NBEAL1: variants seen among roughly 807,000 people sequenced by gnomAD.
The protein encoded by NBEAL1 is neurobeachin like 1.
In NBEAL1, 273 loss-of-function variants were observed where a neutral mutation model predicts 351.3. The ratio of observed to expected loss-of-function variants is 0.78; its 90% confidence interval spans 0.70 to 0.86. NBEAL1 has a LOEUF of 0.86. NBEAL1 is among the 40% of genes least tolerant of loss of function. The pLI, the probability that NBEAL1 is intolerant of heterozygous loss-of-function variation, is 0.00. For synonymous variants in NBEAL1, 1,050 were observed against 1,086.4 expected (o/e 0.97, Z 0.66); for missense variants, 2,961 against 3,201.3 (o/e 0.92, Z 1.81).
chr2:203,067,895 T>C (rs950706534), intron 6 of NBEAL1, among the ~76,000 whole-genome samples: 1 of 152,220 alleles, frequency 6.6e-6, no homozygotes, highest in Non-Finnish European at 1.5e-5. Flanking sequence ...CCATCAGAAT[T>C]ACTGGAATTG....
At chr2:203,019,350 AG>A (rs1261939724) in intron 2 of NBEAL1, among the ~76,000 whole-genome samples, 1 of 152,222 alleles carries the variant, frequency 6.6e-6, no homozygotes, top group Non-Finnish European at 1.5e-5. Context: ...AGTTCCTTAA[AG>A]GGAAGGCAGG....
intron 46 of NBEAL1, among the ~76,000 whole-genome samples, chr2:203,191,524 G>A (rs756349843): frequency 2.0e-5 from 3 of 151,930 alleles, no homozygotes; most frequent in African/African-American, 7.3e-5. Flanking sequence ...TATGAATTTA[G>A]TGATGTAGAA....
intron 23 of NBEAL1, 55 bp from the exon 24 acceptor site, chr2:203,127,726 A>G: frequency 8.1e-7 from 1 of 1,232,778 alleles, no homozygotes; most frequent in Non-Finnish European, 1.1e-6. Flanking sequence ...CATCTCAGAA[A>G]AAAGGAAATG....
intron 49 of NBEAL1, among the ~76,000 whole-genome samples, chr2:203,201,070 G>T (rs559906991): frequency 6.6e-6 from 1 of 152,192 alleles, no homozygotes; most frequent in Non-Finnish European, 1.5e-5. Flanking sequence ...CAGCATGCTT[G>T]CTTTGGTTCA....
intron 2 of NBEAL1, among the ~76,000 whole-genome samples, chr2:203,033,000 T>A (rs572358440): frequency 7.3e-5 from 11 of 151,712 alleles, no homozygotes; most frequent in East Asian, 3.9e-4. Flanking sequence ...ATTATTTTTT[T>A]AATTTAATTT....
rs2064156200 is a variant in NBEAL1 at position 203,167,101 on chromosome 2, G to A, written c.5864-126G>A. 6.2e-6 allele frequency: 5 copies of A among 812,676 alleles called. No individual in the cohort carries two copies. In the South Asian group the frequency reaches 6.4e-5, roughly 10 times the overall value. 50.3% of individuals were successfully genotyped at this position (812,676 alleles called of 1,614,324 possible). A position where few individuals can be genotyped will look rare whatever the true frequency, so the allele number is the denominator to read the frequency against. ...AAATATCCAACACATTTAACAAATG[G>A]TTTATATAGTACAGAAATTGAATTC... On this transcript the variant is annotated intron_variant, in intron 37 of 55. Transcript: ENST00000683969.
intron 52 of NBEAL1, 84 bp from the exon 53 acceptor site, chr2:203,209,077 C>A (rs1001914769): frequency 9.9e-6 from 11 of 1,115,284 alleles, no homozygotes; most frequent in Non-Finnish European, 1.4e-5. Flanking sequence ...TCCCACATTT[C>A]TTTATCTGGC....
chr2:203,032,814 A>G (rs1168501977), intron 2 of NBEAL1, among the ~76,000 whole-genome samples: 27 of 138,986 alleles, frequency 1.9e-4, no homozygotes, highest in East Asian at 6.9e-4. Flanking sequence ...ACAGGCACAC[A>G]CCACCACGCC....
intron 38 of NBEAL1, among the ~76,000 whole-genome samples, chr2:203,168,707 A>G (rs751994154): frequency 7.2e-5 from 11 of 152,106 alleles, no homozygotes; most frequent in Non-Finnish European, 1.5e-4. Flanking sequence ...CAGCCTGCCC[A>G]ACATGGTGAA....
intron 18 of NBEAL1, among the ~76,000 whole-genome samples, chr2:203,118,952 A>G (rs1304043261): frequency 7.1e-6 from 1 of 140,488 alleles, no homozygotes; most frequent in Non-Finnish European, 1.6e-5. Context: ...GAATTTGTTA[A>G]CATTAAAGTT....
chr2:203,129,440 A>G (rs1371125119), intron 24 of NBEAL1, among the ~76,000 whole-genome samples: 1 of 152,188 alleles, frequency 6.6e-6, no homozygotes, highest in Non-Finnish European at 1.5e-5. Context: ...GAGTTAATGC[A>G]GGCTGTTTCC....
chr2:203,056,059 A>G (rs2061397334), intron 4 of NBEAL1, among the ~76,000 whole-genome samples: 1 of 152,250 alleles, frequency 6.6e-6, no homozygotes, highest in South Asian at 2.1e-4. Context: ...GAATCTGCAT[A>G]GGGACAAAAA....
In NBEAL1 at chr2:203,113,002, T is replaced by C; in HGVS notation, c.2203-13T>C. 1 of 1,429,570 alleles carries C rather than the reference T, an allele frequency of 7.0e-7. No homozygotes were observed. The highest frequency in any genetic ancestry group is 9.2e-7 in the Non-Finnish European group (1 of 1,087,558). 88.6% of individuals were successfully genotyped at this position (1,429,570 alleles called of 1,614,324 possible). A position where few individuals can be genotyped will look rare whatever the true frequency, so the allele number is the denominator to read the frequency against. On this transcript the variant is annotated splice_polypyrimidine_tract_variant and intron_variant, in intron 16 of 55. Coordinates refer to ENST00000683969, the MANE Select transcript of NBEAL1 (RefSeq NM_001378026.1). ...GTTAATTAAAATTGTGTAATTTGTT[T>C]GTTTGTTTTTAGCCCTTTACTTCCT...
chr2:203,051,081 C>T (rs1160807735), intron 4 of NBEAL1, among the ~76,000 whole-genome samples: 1 of 152,040 alleles, frequency 6.6e-6, no homozygotes, highest in Non-Finnish European at 1.5e-5. Context: ...CTCTTAGTCA[C>T]CTTTGGCTTA....
At chr2:203,090,161 C>T (rs543479135) in intron 10 of NBEAL1, among the ~76,000 whole-genome samples, 75 of 152,098 alleles carry the variant, frequency 4.9e-4, no homozygotes, top group Non-Finnish European at 9.4e-4. Context: ...TAATTATTCA[C>T]CTTATAAGTT....
At chr2:203,141,634 C>A (rs1178234818) in intron 31 of NBEAL1, among the ~76,000 whole-genome samples, 1 of 151,706 alleles carries the variant, frequency 6.6e-6, no homozygotes, top group Non-Finnish European at 1.5e-5. Flanking sequence ...CCGCCCACCT[C>A]ATCCTCCCAA....
chr2:203,209,359 A>C, intron 53 of NBEAL1, 37 bp downstream of exon 53: 5 of 1,489,902 alleles, frequency 3.4e-6, no homozygotes, highest in Non-Finnish European at 4.6e-6. Flanking sequence ...TAGACTCCCA[A>C]TAGCATATCT....
At chr2:203,148,721 G>A (rs574981655) in intron 33 of NBEAL1, among the ~76,000 whole-genome samples, 11 of 151,242 alleles carry the variant, frequency 7.3e-5, no homozygotes, top group African/African-American at 2.2e-4. Flanking sequence ...CTGTGTTGAG[G>A]CACTTTCCAT....
intron 11 of NBEAL1, among the ~76,000 whole-genome samples, chr2:203,098,282 TTACA>T (rs1406035392): frequency 3.9e-5 from 6 of 152,194 alleles, no homozygotes; most frequent in Non-Finnish European, 8.8e-5. Flanking sequence ...TCCAATAAAC[TTACA>T]TATTGTCTTT....
Sources: gnomAD v4.1 joint callset for allele counts (sites outside exome capture counted in the v4.1 genomes callset) on GRCh38, gnomAD v4.1.1 for gene constraint, MANE v1.5 for transcripts, NCBI Gene and HGNC (gene_info 2026-07-23, HGNC 2026-07-21) for gene names.